CLN8: variants seen among roughly 807,000 people sequenced by gnomAD.
The protein encoded by CLN8 is CLN8 transmembrane ER and ERGIC protein.
In CLN8, 14 loss-of-function variants were observed where a neutral mutation model predicts 15.7. That is an observed-to-expected ratio of 0.89 (90% CI 0.59 to 1.39). The LOEUF (loss-of-function observed/expected upper bound fraction) is 1.39, where lower values mean the gene tolerates loss of function less well. Among genes scored for constraint, CLN8 ranks in the 40% most tolerant of loss-of-function variants. CLN8 has a pLI of 0.00. For missense variants in CLN8, 415 were observed against 364.0 expected (o/e 1.14, Z -1.14); for synonymous variants, 188 against 151.0 (o/e 1.25, Z -1.80).
At chr8:1,775,494 T>G (rs894542206) in intron 2 of CLN8, among the ~76,000 whole-genome samples, 1 of 152,188 alleles carries the variant, frequency 6.6e-6, no homozygotes, top group South Asian at 2.1e-4. Flanking sequence ...CTACAAAAAT[T>G]TTAGTGCCTT....
intron 1 of CLN8, among the ~76,000 whole-genome samples, chr8:1,767,910 G>T (rs981472562): frequency 1.3e-5 from 2 of 151,202 alleles, no homozygotes; most frequent in African/African-American, 4.9e-5. Context: ...AGATTCTGGG[G>T]TCCAGGGTGG....
chr8:1,767,179 C>A (rs1053430944), intron 1 of CLN8, among the ~76,000 whole-genome samples: 1 of 152,208 alleles, frequency 6.6e-6, no homozygotes, highest in Admixed American at 6.5e-5. Context: ...CAGAGACCCA[C>A]AGTAACGAGT....
upstream of CLN8, chr8:1,759,521 T>C (rs1463135068): frequency 6.6e-6 from 1 of 151,518 alleles, no homozygotes; most frequent in Non-Finnish European, 1.5e-5. Flanking sequence ...GGATGAGGAG[T>C]ATGATATCAG....
At chr8:1,756,871 C>T (rs1043601399) in intron 1 of CLN8, among the ~76,000 whole-genome samples, 4 of 152,044 alleles carry the variant, frequency 2.6e-5, no homozygotes, top group African/African-American at 4.8e-5. Context: ...TTAGTAGAGA[C>T]GGGGTTTGAC....
intron 1 of CLN8, among the ~76,000 whole-genome samples, chr8:1,770,659 G>T (rs1801261282): frequency 6.6e-6 from 1 of 152,274 alleles, no homozygotes; most frequent in Middle Eastern, 3.4e-3. Flanking sequence ...AGACTTGCTG[G>T]TGGGGTGCAC....
chr8:1,771,105 C>G lies in CLN8; in HGVS notation c.51C>G (p.Asp17Glu). 1.2e-6 allele frequency: 2 copies of G among 1,614,058 alleles called. No homozygotes were observed. The highest frequency in any genetic ancestry group is 1.7e-6 in the Non-Finnish European group (2 of 1,180,012). Residue 17 changes from aspartate (D) to glutamate (E), a missense_variant, in exon 2 of 3, where the codon GAC becomes GAG. Coordinates refer to ENST00000331222, the MANE Select transcript of CLN8 (RefSeq NM_018941.4). ...GGTSESIFDL[D>E]YASWGIRSTL... ...CATCAGAGAGCATTTTTGACCTGGA[C>G]TATGCATCCTGGGGGATCCGCTCCA...
rs921712977 is a variant in CLN8 at position 1,777,372 on chromosome 8, C to T, written c.544-2878C>T. On this transcript the variant is annotated intron_variant, in intron 2 of 2. Coordinates refer to ENST00000331222, the MANE Select transcript of CLN8 (RefSeq NM_018941.4). ...GAGTGGTGAGTGTGAGGGCCTAGAA[C>T]GTCACTGTACTCTCCTATAGACTTT... Among the ~76,000 whole-genome samples the T allele has an allele frequency of 4.6e-5, 7 of 152,240 alleles. No homozygotes were observed. The South Asian group carries it at 6.2e-4, about 14-fold the overall frequency.
intron 1 of CLN8, among the ~76,000 whole-genome samples, chr8:1,768,465 G>T (rs954557567): frequency 2.3e-4 from 35 of 152,308 alleles, no homozygotes; most frequent in African/African-American, 8.2e-4. Context: ...CTCGTCTCAA[G>T]GCAGAGGTCC....
intron 2 of CLN8, among the ~76,000 whole-genome samples, chr8:1,777,941 G>A (rs1224709492): frequency 6.6e-6 from 1 of 152,230 alleles, no homozygotes; most frequent in Non-Finnish European, 1.5e-5. Context: ...AATCTTGTGT[G>A]GAACCACTGT....
In CLN8 at chr8:1,783,300, C is replaced by A. The variant is rs1801752139; in HGVS notation, c.*2733C>A. On this transcript the variant is annotated 3_prime_UTR_variant, in exon 3 of 3. Transcript: ENST00000331222. ...GCTTCACATCCTCTATTGAGAGTTA[C>A]AGCAAGTGTTAAACGAGGTGAGTTC... 6.6e-6 allele frequency: 1 copy of A among 152,252 alleles called. No individual in the cohort carries two copies. Among genetic ancestry groups the A allele is most frequent in the Non-Finnish European group, 1.5e-5 (1 of 68,044 alleles). The allele number at this position is 152,252 out of a possible 1,614,324, so 9.4% of individuals were successfully genotyped here.
intron 1 of CLN8, among the ~76,000 whole-genome samples, chr8:1,757,161 C>G (rs1800690499): frequency 6.6e-6 from 1 of 152,172 alleles, no homozygotes; most frequent in Non-Finnish European, 1.5e-5. Flanking sequence ...TGTCCTCTTC[C>G]AGGATATACA....
upstream of CLN8, among the ~76,000 whole-genome samples, chr8:1,761,012 CTTTTTTTTTTTT>C (rs61327257): frequency 1.5e-5 from 1 of 67,562 alleles, no homozygotes; most frequent in Non-Finnish European, 2.6e-5. Flanking sequence ...CTATAGCCAT[CTTTTTTTTTTTT>C]TTTTTTTTTT....
rs914759366 is a variant in CLN8 at position 1,780,518 on chromosome 8, A to G, written c.812A>G (p.Lys271Arg). 1.4e-5 allele frequency: 22 copies of G among 1,614,238 alleles called. No individual in the cohort carries two copies. The highest frequency in any genetic ancestry group is 1.8e-5 in the Non-Finnish European group (21 of 1,180,046). Residue 271 changes from lysine to arginine, a missense_variant, in exon 3 of 3, where the codon AAG (lysine) becomes AGG (arginine). By Grantham distance (26) the Lys-to-Arg change is conservative (BLOSUM62 2). Coordinates refer to ENST00000331222, the MANE Select transcript of CLN8 (RefSeq NM_018941.4). ...VDWNFAQPEAKSRPEGNGQLL... is the reference protein window; with the variant it reads ...VDWNFAQPEARSRPEGNGQLL... ...TGGAACTTCGCACAGCCAGAAGCCAAGAGCAGGCCAGAAGGCAACGGGCAG... is the reference window on the plus strand; with the variant it reads ...TGGAACTTCGCACAGCCAGAAGCCAGGAGCAGGCCAGAAGGCAACGGGCAG...
At chr8:1,757,014 G>T (rs1800687059) in intron 1 of CLN8, among the ~76,000 whole-genome samples, 1 of 152,114 alleles carries the variant, frequency 6.6e-6, no homozygotes, top group African/African-American at 2.4e-5. Flanking sequence ...CTGCACTAAA[G>T]TCCTTTAGGT....
upstream of CLN8, chr8:1,762,545 G>A (rs1017886701): frequency 4.6e-5 from 7 of 152,172 alleles, no homozygotes; most frequent in Non-Finnish European, 8.8e-5. Flanking sequence ...CAATCCTAGG[G>A]ACTCAAGGCT....
upstream of CLN8, among the ~76,000 whole-genome samples, chr8:1,760,669 A>G (rs1218546893): frequency 6.6e-6 from 1 of 152,178 alleles, no homozygotes; most frequent in Non-Finnish European, 1.5e-5. Flanking sequence ...GACAGGCCTC[A>G]GCATGCTGTT....
intron 1 of CLN8, among the ~76,000 whole-genome samples, chr8:1,769,388 G>GCTCTAGTCCTGCTGT (rs1276398355): frequency 6.6e-6 from 1 of 152,160 alleles, no homozygotes; most frequent in African/African-American, 2.4e-5. Flanking sequence ...TATGCTTCTG[G>GCTCTAGTCCTGCTGT]CTCTAGTCCT....
upstream of CLN8, chr8:1,762,041 A>C (rs754897967): frequency 2.6e-5 from 4 of 152,214 alleles, no homozygotes; most frequent in African/African-American, 9.7e-5. Flanking sequence ...GTTTCTTCCA[A>C]AGTTAGTTTG....
intron 2 of CLN8, among the ~76,000 whole-genome samples, chr8:1,774,735 G>A (rs1801447131): frequency 1.3e-5 from 2 of 152,212 alleles, no homozygotes; most frequent in African/African-American, 4.8e-5. Flanking sequence ...GCTCACACCT[G>A]TAATCCCAGC....
Sources: gnomAD v4.1 joint callset for allele counts (sites outside exome capture counted in the v4.1 genomes callset) on GRCh38, gnomAD v4.1.1 for gene constraint, MANE v1.5 for transcripts, NCBI Gene and HGNC (gene_info 2026-07-23, HGNC 2026-07-21) for gene names.